Variants in OLAH observed in about 807,000 individuals in gnomAD.
OLAH encodes the protein oleoyl-ACP hydrolase, also known as S-acyl fatty acid synthase thioesterase, medium chain.
OLAH carries 33 observed loss-of-function variants against 27.8 expected under a neutral mutation model. The ratio of observed to expected loss-of-function variants is 1.19; its 90% CI spans 0.90 to 1.59. The LOEUF (loss-of-function observed/expected upper bound fraction) is 1.59, where lower values mean the gene tolerates loss of function less well. OLAH is among the 40% of genes most tolerant of loss of function. The probability of loss-of-function intolerance (pLI) is 0.00; values close to 1 mark genes in which losing one functional copy is unlikely to be tolerated. For missense variants in OLAH, 359 were observed against 310.8 expected (o/e 1.16, Z -1.17); for synonymous variants, 120 against 102.9 (o/e 1.17, Z -1.01).
At chr10:15,069,278 T>C (rs577509796) in intron 6 of OLAH, among the ~76,000 whole-genome samples, 1 of 152,350 alleles carries the variant, frequency 6.6e-6, no homozygotes, top group South Asian at 2.1e-4. Context: ...AGCAGAACTC[T>C]GCTTGGTTTT....
upstream of OLAH, among the ~76,000 whole-genome samples, chr10:15,040,130 G>A (rs1366735337): frequency 1.3e-5 from 2 of 152,078 alleles, 1 homozygote; most frequent in African/African-American, 4.8e-5. Flanking sequence ...CAGTCCTGGG[G>A]CCTCTTTTTC....
chr10:15,037,903 A>T (rs2131327606), intron 1 of OLAH, among the ~76,000 whole-genome samples: 1 of 152,330 alleles, frequency 6.6e-6, no homozygotes, highest in East Asian at 1.9e-4. Context: ...TGCCAACACA[A>T]AGAGCCACAG....
At chr10:15,067,803 G>T (rs1203821190) in intron 6 of OLAH, among the ~76,000 whole-genome samples, 1 of 151,988 alleles carries the variant, frequency 6.6e-6, no homozygotes, top group Non-Finnish European at 1.5e-5. Context: ...GTTTTTTCCA[G>T]TTCTCTTTCC....
At chr10:15,070,779 AC>A (rs1844568836) in intron 6 of OLAH, among the ~76,000 whole-genome samples, 2 of 127,678 alleles carry the variant, frequency 1.6e-5, no homozygotes, top group Non-Finnish European at 3.2e-5. Flanking sequence ...CCACGCCTGA[AC>A]TTTTTTTTTT....
At chr10:15,052,175 C>A (rs988623575) in intron 3 of OLAH, among the ~76,000 whole-genome samples, 4 of 152,024 alleles carry the variant, frequency 2.6e-5, no homozygotes, top group African/African-American at 4.8e-5. Context: ...CCCAGCTACT[C>A]GGGAGGCTGA....
upstream of OLAH, among the ~76,000 whole-genome samples, chr10:15,040,110 T>C (rs1382981284): frequency 1.3e-5 from 2 of 152,202 alleles, no homozygotes; most frequent in South Asian, 2.1e-4. Flanking sequence ...TTTGTCCCCA[T>C]GACAACTTCC....
chr10:15,056,918 C>A (rs1844257291), intron 3 of OLAH: 2 of 1,525,448 alleles, frequency 1.3e-6, no homozygotes, highest in Non-Finnish European at 1.8e-6. Flanking sequence ...GCGTGAGCCA[C>A]CGTAGGCGTG....
intron 3 of OLAH, among the ~76,000 whole-genome samples, chr10:15,050,959 GTTTT>G (rs1464405156): frequency 6.6e-6 from 1 of 151,690 alleles, no homozygotes; most frequent in Non-Finnish European, 1.5e-5. Flanking sequence ...ATTAGCCATA[GTTTT>G]TTGTTTTCTT....
At chr10:15,045,542 TAAGAA>T (rs1843999991) in intron 1 of OLAH, among the ~76,000 whole-genome samples, 1 of 152,194 alleles carries the variant, frequency 6.6e-6, no homozygotes, top group Non-Finnish European at 1.5e-5. Context: ...CCAGAATTAC[TAAGAA>T]AAGGCTCTAA....
intron 3 of OLAH, among the ~76,000 whole-genome samples, chr10:15,053,300 C>G (rs1300003352): frequency 6.6e-6 from 1 of 152,118 alleles, no homozygotes; most frequent in African/African-American, 2.4e-5. Flanking sequence ...CAGGGAAAGG[C>G]AGTCCCCCAA....
At chr10:15,037,293 C>T (rs1843855077) in intron 1 of OLAH, among the ~76,000 whole-genome samples, 2 of 152,004 alleles carry the variant, frequency 1.3e-5, no homozygotes, top group Non-Finnish European at 2.9e-5. Context: ...GAATTATTAT[C>T]ATAGAAGCCG....
upstream of OLAH, among the ~76,000 whole-genome samples, chr10:15,039,010 G>C (rs1311322251): frequency 2.0e-5 from 3 of 152,146 alleles, no homozygotes; most frequent in Admixed American, 2.0e-4. Flanking sequence ...ACTGCTTGAA[G>C]TCAGGAATTC....
At chr10:15,052,837 G>A (rs908484471) in intron 3 of OLAH, among the ~76,000 whole-genome samples, 2 of 150,572 alleles carry the variant, frequency 1.3e-5, no homozygotes, top group Non-Finnish European at 1.5e-5. Flanking sequence ...CTGCCTCCCG[G>A]GTTCAAGTGA....
chr10:15,047,626 A>C (rs1389355948), intron 2 of OLAH, among the ~76,000 whole-genome samples: 4 of 152,056 alleles, frequency 2.6e-5, no homozygotes, highest in Non-Finnish European at 5.9e-5. Context: ...AATTGCTGAA[A>C]CCTGGGAGGT....
chr10:15,066,384 A>G (rs191633671), intron 6 of OLAH, among the ~76,000 whole-genome samples: 2 of 152,148 alleles, frequency 1.3e-5, no homozygotes, highest in Non-Finnish European at 2.9e-5. Context: ...AAGGGTCAGC[A>G]GAAATAGATT....
chr10:15,047,603 G>C (rs905205653), intron 2 of OLAH, among the ~76,000 whole-genome samples: 1 of 152,170 alleles, frequency 6.6e-6, no homozygotes, highest in Non-Finnish European at 1.5e-5. Context: ...CACTCGGGAG[G>C]GTGAGGCAGG....
intron 1 of OLAH, among the ~76,000 whole-genome samples, chr10:15,034,748 A>G (rs186612695): frequency 1.3e-5 from 2 of 151,938 alleles, no homozygotes; most frequent in South Asian, 2.1e-4. Context: ...TCAACAGCCC[A>G]TAAAGAAGCA....
rs762466345 is a variant in OLAH, at chr10:15,049,675, G to A, written c.73G>A (p.Ala25Thr). The A allele has an allele frequency of 6.2e-7, 1 of 1,606,272 alleles. No homozygotes were observed. Among genetic ancestry groups the A allele is most frequent in the South Asian group, 1.1e-5 (1 of 89,248 alleles). ...CAACTGCTTATACAAAAACCCTGAG[G>A]CAACTTTTAAGCTGATTTGCTTTCC... ...IFNCLYKNPEATFKLICFPWM... is the reference protein window; with the variant it reads ...IFNCLYKNPETTFKLICFPWM... The change falls in exon 3 of 8, where the codon GCA (alanine) becomes ACA (threonine). Residue 25 changes from alanine to threonine, a missense_variant. Coordinates refer to ENST00000378228, the MANE Select transcript of OLAH (RefSeq NM_001039702.3).
chr10:15,036,026 A>G (rs2131325264), intron 1 of OLAH, among the ~76,000 whole-genome samples: 1 of 152,218 alleles, frequency 6.6e-6, no homozygotes, highest in African/African-American at 2.4e-5. Context: ...AGCACCCCAC[A>G]GCTGTATATG....
Sources: allele counts gnomAD v4.1 joint callset (sites outside exome capture counted in the v4.1 genomes callset), GRCh38; gene constraint gnomAD v4.1.1; transcripts MANE v1.5; gene names NCBI Gene and HGNC (gene_info 2026-07-23, HGNC 2026-07-21).